KIAA0825: variants seen among roughly 807,000 people sequenced by gnomAD.
The protein encoded by KIAA0825 is uncharacterized protein KIAA0825.
A neutral mutation model predicts 147.6 loss-of-function variants in KIAA0825; 119 were observed. The observed-to-expected ratio is 0.81, with a 90% confidence interval of 0.69 to 0.94. KIAA0825 has a LOEUF of 0.94. KIAA0825 is among the 40% of genes least tolerant of loss of function. The pLI, the probability that KIAA0825 is intolerant of heterozygous loss-of-function variation, is 0.00. For synonymous variants in KIAA0825, 470 were observed against 518.1 expected, an observed-to-expected ratio of 0.91 and a Z score of 1.26; for missense variants, 1,381 against 1,472.7, an observed-to-expected ratio of 0.94 and a Z score of 1.02.
At chr5:94,383,605 A>G (rs1748723193) in intron 20 of KIAA0825, among the ~76,000 whole-genome samples, 1 of 152,180 alleles carries the variant, frequency 6.6e-6, no homozygotes, top group African/African-American at 2.4e-5. Context: ...TTGAAAATGT[A>G]TTATACTTGA....
At chr5:94,365,260 G>A (rs111658293) in intron 20 of KIAA0825, among the ~76,000 whole-genome samples, 7 of 152,066 alleles carry the variant, frequency 4.6e-5, no homozygotes, top group Non-Finnish European at 7.4e-5. Context: ...TTAAACCTCC[G>A]CTCCTAAACC....
intron 20 of KIAA0825, among the ~76,000 whole-genome samples, chr5:94,336,265 T>C (rs552179554): frequency 2.6e-5 from 4 of 151,928 alleles, no homozygotes; most frequent in African/African-American, 4.8e-5. Flanking sequence ...TTCTTTCTTT[T>C]TTTTTTTTTT....
In KIAA0825 at chr5:94,230,677, C is replaced by A. The variant is rs868750686; in HGVS notation, c.3711-76553G>T. ...CTAACAGTCTGCCATATTTAACAAA[C>A]AGTTCTCAATGAACTTTAAAGATTA... On this transcript the variant is annotated intron_variant, in intron 20 of 20. Transcript: ENST00000682413. Among the ~76,000 whole-genome samples the A allele has an allele frequency of 4.6e-5, 7 of 152,234 alleles. No individual in the cohort carries two copies. In the Middle Eastern group the frequency reaches 0.01, roughly 222 times the overall value.
intron 2 of KIAA0825, among the ~76,000 whole-genome samples, chr5:94,562,656 C>G (rs1312621784): frequency 6.6e-6 from 1 of 152,232 alleles, no homozygotes; most frequent in Non-Finnish European, 1.5e-5. Flanking sequence ...TTGACAATCT[C>G]TACAGTTAAG....
intron 7 of KIAA0825, 92 bp from the exon 8 acceptor site, chr5:94,473,611 A>G: frequency 1.2e-6 from 1 of 820,566 alleles, no homozygotes; most frequent in Non-Finnish European, 1.9e-6. Flanking sequence ...CTTTCATTCA[A>G]CATGTTGAAT....
At chr5:94,447,981 A>G (rs1254530730) in intron 13 of KIAA0825, among the ~76,000 whole-genome samples, 1 of 152,004 alleles carries the variant, frequency 6.6e-6, no homozygotes, top group Non-Finnish European at 1.5e-5. Flanking sequence ...GCTAAGGAAG[A>G]CCTGAAAATG....
intron 20 of KIAA0825, among the ~76,000 whole-genome samples, chr5:94,369,813 A>T (rs186913378): frequency 6.3e-4 from 96 of 152,282 alleles, no homozygotes; most frequent in Non-Finnish European, 9.6e-4. Flanking sequence ...CAGGGAGAGG[A>T]TAGGGGAAAA....
chr5:94,578,473 G>C (rs2152347007), intron 2 of KIAA0825, among the ~76,000 whole-genome samples: 1 of 152,268 alleles, frequency 6.6e-6, no homozygotes, highest in East Asian at 1.9e-4. Context: ...AGTCTTAGAT[G>C]TTGGAACAAT....
At chr5:94,504,519 G>A (rs1385648375) in intron 5 of KIAA0825, among the ~76,000 whole-genome samples, 1 of 152,126 alleles carries the variant, frequency 6.6e-6, no homozygotes, top group Non-Finnish European at 1.5e-5. Flanking sequence ...TGGCATGAGT[G>A]ATTCCAAAAT....
At chr5:94,481,312 G>C (rs1254746951) in intron 6 of KIAA0825, among the ~76,000 whole-genome samples, 1 of 152,048 alleles carries the variant, frequency 6.6e-6, no homozygotes, top group Non-Finnish European at 1.5e-5. Flanking sequence ...TTCTTTCATA[G>C]AGAGTAGAGG....
At chr5:94,176,019 T>C in intron 20 of KIAA0825, among the ~76,000 whole-genome samples, 1 of 152,308 alleles carries the variant, frequency 6.6e-6, no homozygotes, top group Middle Eastern at 3.4e-3. Flanking sequence ...TTAAATTTTT[T>C]TATTGCTAAA....
intron 20 of KIAA0825, 83 bp downstream of exon 20, chr5:94,384,285 A>C: frequency 1.1e-6 from 1 of 930,174 alleles, no homozygotes; most frequent in Non-Finnish European, 1.6e-6. Flanking sequence ...TGCTAGTAAA[A>C]TCTGTGTACG....
At chr5:94,614,869 C>T (rs771441889) in intron 1 of KIAA0825, among the ~76,000 whole-genome samples, 49 of 152,114 alleles carry the variant, frequency 3.2e-4, no homozygotes, top group Admixed American at 6.5e-4. Context: ...TTTTTCATAT[C>T]CACTAATCTT....
Position 94,260,068 on chromosome 5 carries a change from A to G in KIAA0825, c.3711-105944T>C, listed in dbSNP as rs983368028. Among the ~76,000 whole-genome samples, 5 of 152,116 alleles carry G rather than the reference A, an allele frequency of 3.3e-5. No homozygotes were observed. In the East Asian group the frequency reaches 5.8e-4, roughly 18 times the overall value. ...TCTTCCTTTCATAATATACTATAAT[A>G]TGGTTACAAGTGCATTGAAATTCAT... is the stretch of plus-strand genomic sequence containing the variant. On this transcript the variant is annotated intron_variant, in intron 20 of 20. Coordinates refer to ENST00000682413, the MANE Select transcript of KIAA0825 (RefSeq NM_001145678.3).
At chr5:94,171,931 G>C (rs1469194635) in intron 20 of KIAA0825, among the ~76,000 whole-genome samples, 1 of 151,912 alleles carries the variant, frequency 6.6e-6, no homozygotes, top group Non-Finnish European at 1.5e-5. Flanking sequence ...AGTATATGCA[G>C]AGAAAAAAAC....
At chr5:94,276,262 T>C (rs1458440683) in intron 20 of KIAA0825, among the ~76,000 whole-genome samples, 1 of 152,128 alleles carries the variant, frequency 6.6e-6, no homozygotes, top group Non-Finnish European at 1.5e-5. Context: ...TCCTGCCTTG[T>C]GTTATTTATT....
At chr5:94,212,164 A>G (rs979954734) in intron 20 of KIAA0825, among the ~76,000 whole-genome samples, 3 of 152,174 alleles carry the variant, frequency 2.0e-5, no homozygotes, top group Admixed American at 1.3e-4. Flanking sequence ...TTTGTCCCCC[A>G]TGGATTTGTG....
chr5:94,480,065 T>C (rs1324209595), intron 6 of KIAA0825, among the ~76,000 whole-genome samples: 2 of 152,090 alleles, frequency 1.3e-5, no homozygotes, highest in Non-Finnish European at 2.9e-5. Flanking sequence ...ATCATGCCTG[T>C]TTATTTAGCA....
chr5:94,402,511 A>G (rs1162681488), intron 16 of KIAA0825, among the ~76,000 whole-genome samples: 1 of 152,070 alleles, frequency 6.6e-6, no homozygotes, highest in African/African-American at 2.4e-5. Flanking sequence ...GGGCTTGGAC[A>G]GAATTAAAGC....
Sources: gnomAD v4.1 joint callset for allele counts (sites outside exome capture counted in the v4.1 genomes callset) on GRCh38, gnomAD v4.1.1 for gene constraint, MANE v1.5 for transcripts, NCBI Gene and HGNC (gene_info 2026-07-23, HGNC 2026-07-21) for gene names.